Variants in PREX1 observed in about 807,000 individuals in gnomAD.
PREX1 encodes the protein phosphatidylinositol-3,4,5-trisphosphate dependent Rac exchange factor 1.
Under a neutral mutation model 198.3 loss-of-function variants are expected in PREX1, and 41 were observed. The ratio of observed to expected loss-of-function variants is 0.21; its 90% CI spans 0.16 to 0.27. The LOEUF (loss-of-function observed/expected upper bound fraction) is 0.27. Among genes scored for constraint, PREX1 ranks in the 10% least tolerant of loss-of-function variants. The pLI, the probability that PREX1 is intolerant of heterozygous loss-of-function variation, is 1.00. For missense variants in PREX1, 1,620 were observed against 2,200.7 expected (o/e 0.74, Z 5.28); for synonymous variants, 843 against 887.2 (o/e 0.95, Z 0.89).
intron 3 of PREX1, among the ~76,000 whole-genome samples, chr20:48,739,946 A>G (rs6066836): frequency 0.41 from 62,631 of 152,012 alleles, 13,140 homozygotes; most frequent in Admixed American, 0.46. Context: ...CAGAGAACAG[A>G]ACCCAGCACA....
At chr20:48,676,108 A>G in intron 14 of PREX1, 85 bp downstream of exon 14, 1 of 1,363,994 alleles carries the variant, frequency 7.3e-7, no homozygotes, top group Non-Finnish European at 1.0e-6. Context: ...AAAAGCAATA[A>G]GAAAAAATCT....
intron 15 of PREX1, among the ~76,000 whole-genome samples, chr20:48,660,928 C>G (rs1397366765): frequency 6.6e-6 from 1 of 152,210 alleles, no homozygotes; most frequent in Non-Finnish European, 1.5e-5. Context: ...TTGGCAAACT[C>G]AGTCCCCGCA....
chr20:48,880,563 G>A, the PREX1 span, among the ~76,000 whole-genome samples: 1 of 152,154 alleles, frequency 6.6e-6, no homozygotes, highest in Non-Finnish European at 1.5e-5. Flanking sequence ...ATTTCGGGCA[G>A]CAAGAAGAAG....
intron 3 of PREX1, among the ~76,000 whole-genome samples, chr20:48,735,876 AAATACCCAGG>A (rs1436574514): frequency 6.6e-6 from 1 of 152,134 alleles, no homozygotes; most frequent in Non-Finnish European, 1.5e-5. Flanking sequence ...AGTGGGAGGC[AAATACCCAGG>A]GTACAAATTT....
chr20:48,768,587 A>T (rs2090219781), intron 1 of PREX1, among the ~76,000 whole-genome samples: 1 of 152,126 alleles, frequency 6.6e-6, no homozygotes, highest in Non-Finnish European at 1.5e-5. Context: ...TGAGTTCAGG[A>T]GTTCGAGACC....
At chr20:48,692,914 G>A (rs192823459) in intron 7 of PREX1, 124 bp from the exon 8 acceptor site, 13 of 792,016 alleles carry the variant, frequency 1.6e-5, no homozygotes, top group East Asian at 1.2e-4. Context: ...CCCCAGGTAG[G>A]GGTCAGGAGC....
intron 31 of PREX1, among the ~76,000 whole-genome samples, chr20:48,637,254 C>T (rs2089371946): frequency 6.6e-6 from 1 of 152,248 alleles, no homozygotes; most frequent in African/African-American, 2.4e-5. Context: ...TGGCCGGCTT[C>T]TGGCCAGTGA....
the PREX1 span, among the ~76,000 whole-genome samples, chr20:48,846,633 A>C: frequency 6.6e-6 from 1 of 152,136 alleles, no homozygotes; most frequent in African/African-American, 2.4e-5. Flanking sequence ...CACTTTGTAG[A>C]CGCTCCCTGG....
At chr20:48,701,297 C>T (rs907752768) in intron 6 of PREX1, among the ~76,000 whole-genome samples, 5 of 152,106 alleles carry the variant, frequency 3.3e-5, no homozygotes, top group Admixed American at 6.5e-5. Flanking sequence ...CTGCAACCTC[C>T]GCCGCTTGGG....
intron 7 of PREX1, 41 bp downstream of exon 7, chr20:48,700,712 G>A (rs1466213327): frequency 2.5e-6 from 4 of 1,608,574 alleles, no homozygotes; most frequent in Non-Finnish European, 3.4e-6. Context: ...ACCTGGAGAA[G>A]GCAGCAGGCC....
intron 3 of PREX1, among the ~76,000 whole-genome samples, chr20:48,744,640 G>A (rs2090099430): frequency 6.6e-6 from 1 of 152,224 alleles, no homozygotes; most frequent in South Asian, 2.1e-4. Flanking sequence ...TCCAGTGGGT[G>A]CCTGAGCCGG....
chr20:48,628,083 C>A, intron 37 of PREX1, 120 bp from the exon 38 acceptor site: 1 of 720,426 alleles, frequency 1.4e-6, no homozygotes, highest in Non-Finnish European at 2.3e-6. Context: ...TCCGAGGCCT[C>A]CCAGACCCAA....
the PREX1 span, among the ~76,000 whole-genome samples, chr20:48,883,142 C>T: frequency 2.5e-4 from 38 of 152,048 alleles, 1 homozygote; most frequent in African/African-American, 8.7e-4. Flanking sequence ...ACCATGTTGG[C>T]CAGACTGGTC....
At chr20:48,776,299 CAACAGCCTCCCAGGTTCT>C (rs2090261291) in intron 1 of PREX1, among the ~76,000 whole-genome samples, 1 of 152,234 alleles carries the variant, frequency 6.6e-6, no homozygotes, top group African/African-American at 2.4e-5. Context: ...CCCTACACCC[CAACAGCCTCCCAGGTTCT>C]AAAGTCCAAT....
At chr20:48,776,554 A>G (rs1016285365) in intron 1 of PREX1, among the ~76,000 whole-genome samples, 2 of 152,316 alleles carry the variant, frequency 1.3e-5, no homozygotes, top group African/African-American at 4.8e-5. Flanking sequence ...GCTCCTTTCT[A>G]AAGCACATGA....
At chr20:48,785,712 C>T (rs6095294) in intron 1 of PREX1, among the ~76,000 whole-genome samples, 6,706 of 152,312 alleles carry the variant, frequency 0.044, 507 homozygotes, top group African/African-American at 0.15. Flanking sequence ...ACCACCTCCA[C>T]CGGTGCCAGC....
chr20:48,870,533 T>C, the PREX1 span, among the ~76,000 whole-genome samples: 1 of 152,314 alleles, frequency 6.6e-6, no homozygotes, highest in East Asian at 1.9e-4. Flanking sequence ...CTTTGTCCGT[T>C]CAAAAAGTTG....
intron 37 of PREX1, among the ~76,000 whole-genome samples, chr20:48,629,223 G>A (rs4076292): frequency 0.085 from 12,907 of 152,232 alleles, 625 homozygotes; most frequent in South Asian, 0.15. Context: ...CACTCACTAC[G>A]GCGTTAGAGA....
chr20:48,691,164 C>A lies in PREX1; in HGVS notation c.1037-68G>T. On this transcript the variant is annotated intron_variant, in intron 8 of 39. Coordinates refer to ENST00000371941, the MANE Select transcript of PREX1 (RefSeq NM_020820.4). This position sits in a 1 kb window ranked among gnomAD's most constrained non-coding sequence, Gnocchi z 5.0. The stretch of plus-strand genomic sequence containing the variant: ...CGTGACCTTCAACACTCCCCATTGC[C>A]AAGCCCTTCCGCCCCAGCACAGGCA... 1 of 1,598,982 alleles carries A rather than the reference C, an allele frequency of 6.3e-7. No homozygotes were observed. Among genetic ancestry groups the A allele is most frequent in the South Asian group, 1.1e-5 (1 of 90,128 alleles).
Sources: gnomAD v4.1 joint callset for allele counts (sites outside exome capture counted in the v4.1 genomes callset) on GRCh38, gnomAD v4.1.1 for gene constraint, Gnocchi (gnomAD v3.1) non-coding constraint, MANE v1.5 for transcripts, NCBI Gene and HGNC (gene_info 2026-07-23, HGNC 2026-07-21) for gene names.